Variants in ST3GAL2 observed in about 807,000 individuals in gnomAD.
The protein encoded by ST3GAL2 is ST3 beta-galactoside alpha-2,3-sialyltransferase 2.
A neutral mutation model predicts 37.5 loss-of-function variants in ST3GAL2; 16 were observed. The observed-to-expected ratio is 0.43, with a 90% CI of 0.29 to 0.65. The LOEUF (loss-of-function observed/expected upper bound fraction) is 0.65. Among genes scored for constraint, ST3GAL2 ranks in the 30% least tolerant of loss-of-function variants. The pLI is 0.17. For synonymous variants in ST3GAL2, 238 were observed against 202.9 expected, an observed-to-expected ratio of 1.17 and a Z score of -1.47; for missense variants, 383 against 487.8, an observed-to-expected ratio of 0.79 and a Z score of 2.02.
intron 1 of ST3GAL2, among the ~76,000 whole-genome samples, chr16:70,420,814 C>T (rs2151674840): frequency 6.6e-6 from 1 of 152,286 alleles, no homozygotes; most frequent in East Asian, 1.9e-4. Flanking sequence ...CATGCTTCTA[C>T]CAGAAGACTA....
chr16:70,393,092 T>C (rs2047492686), intron 3 of ST3GAL2, among the ~76,000 whole-genome samples: 1 of 150,984 alleles, frequency 6.6e-6, no homozygotes, highest in South Asian at 2.1e-4. Context: ...ATAAATTTTT[T>C]TTTTTTTTTT....
rs549339173 is a variant in ST3GAL2, at chr16:70,423,809, G to A, written c.-1004+15140C>T. 1.2e-4 allele frequency among the ~76,000 whole-genome samples: 18 copies of A among 151,300 alleles called. No individual in the cohort carries two copies. In the South Asian group the frequency reaches 2.7e-3, roughly 23 times the overall value. ...CTCCTGGCCGGGTGCAGTGGCTCAC[G>A]CTTGTAATCCCAGCACTTTAGGAGG... is the stretch of plus-strand genomic sequence containing the variant. On this transcript the variant is annotated intron_variant, in intron 1 of 6. Coordinates refer to ENST00000342907, the MANE Select transcript of ST3GAL2 (RefSeq NM_006927.4).
Position 70,379,562 on chromosome 16 carries a change from A to AAATT in ST3GAL2, c.*2123_*2126dup, listed in dbSNP as rs1296561872. ...GGGAAGGAAATAAAAAAGTGTGTTT[A>AAATT]AATTACTATTGCAGAAAATCTGGCT... On this transcript the variant is annotated 3_prime_UTR_variant, in exon 7 of 7. Coordinates refer to ENST00000342907, the MANE Select transcript of ST3GAL2 (RefSeq NM_006927.4). 3.9e-5 allele frequency: 6 copies of AAATT among 152,192 alleles called. No homozygotes were observed. The highest frequency in any genetic ancestry group is 1.4e-4 in the African/African-American group (6 of 41,444). 9.4% of individuals were successfully genotyped at this position (152,192 alleles called of 1,614,324 possible).
At position 70,376,874 on chromosome 16, in the gene ST3GAL2, TG is replaced by T. The variant is rs1201764571; in HGVS notation, c.*4814del. 1 of 151,948 alleles carries T rather than the reference TG, an allele frequency of 6.6e-6. No homozygotes were observed. Among genetic ancestry groups the T allele is most frequent in the Non-Finnish European group, 1.5e-5 (1 of 68,008 alleles). 9.4% of individuals were successfully genotyped at this position (151,948 alleles called of 1,614,324 possible). ...TCTCTGCCTCGGTCTCCCGAGTAGCTGGGATCACAGCCGTCTGCCACTAAGC... is the reference window on the plus strand; with the variant it reads ...TCTCTGCCTCGGTCTCCCGAGTAGCTGGATCACAGCCGTCTGCCACTAAGC... On this transcript the variant is annotated 3_prime_UTR_variant, in exon 7 of 7. Transcript: ENST00000342907.
intron 4 of ST3GAL2, among the ~76,000 whole-genome samples, chr16:70,385,841 G>C (rs1487784952): frequency 6.6e-6 from 1 of 150,768 alleles, no homozygotes; most frequent in Non-Finnish European, 1.5e-5. Context: ...TGAGTGGCTA[G>C]GACTACAGGA....
At chr16:70,435,297 A>G (rs2047817275) in intron 1 of ST3GAL2, among the ~76,000 whole-genome samples, 1 of 152,184 alleles carries the variant, frequency 6.6e-6, no homozygotes, top group South Asian at 2.1e-4. Context: ...GTCCCTCTTA[A>G]GACTTTACAT....
rs1007728829 is a variant in ST3GAL2 at position 70,398,988 on chromosome 16, C to T, written c.-458G>A. On this transcript the variant is annotated 5_prime_UTR_variant, in exon 2 of 7. Transcript: ENST00000342907. ...TGAGGCGGCCCCTCGTTCCCGGCAG[C>T]GGGGAAGCCCTAGAACTCCAATCAC... 9.6e-6 allele frequency: 4 copies of T among 415,720 alleles called. No individual in the cohort carries two copies. The highest frequency in any genetic ancestry group is 2.0e-5 in the African/African-American group (1 of 49,068). 25.8% of individuals were successfully genotyped at this position (415,720 alleles called of 1,614,324 possible). A position where few individuals can be genotyped will look rare whatever the true frequency, so the allele number is the denominator to read the frequency against.
intron 3 of ST3GAL2, among the ~76,000 whole-genome samples, chr16:70,388,912 A>AG (rs1227048387): frequency 6.6e-6 from 1 of 151,054 alleles, no homozygotes; most frequent in East Asian, 2.0e-4. Context: ...AAAAAAAAAA[A>AG]AACAAATATA....
At chr16:70,424,615 A>C (rs2047738403) in intron 1 of ST3GAL2, among the ~76,000 whole-genome samples, 1 of 152,026 alleles carries the variant, frequency 6.6e-6, no homozygotes, top group Non-Finnish European at 1.5e-5. Flanking sequence ...AAAATTAAAT[A>C]AATAAATAAA....
rs1222333087 is a variant in ST3GAL2, at chr16:70,380,006, T to C, written c.*1683A>G. The C allele has an allele frequency of 6.6e-6, 1 of 152,182 alleles. No individual in the cohort carries two copies. Among genetic ancestry groups the C allele is most frequent in the Non-Finnish European group, 1.5e-5 (1 of 68,060 alleles). 9.4% of individuals were successfully genotyped at this position (152,182 alleles called of 1,614,324 possible). A position where few individuals can be genotyped will look rare whatever the true frequency, so the allele number is the denominator to read the frequency against. ...TTCTGCTCAATACTGTTTGGCATAA[T>C]TGCATTGCTTTTCATCAACACTCAA... On this transcript the variant is annotated 3_prime_UTR_variant, in exon 7 of 7. Transcript: ENST00000342907.
chr16:70,435,334 G>A (rs1003203063), intron 1 of ST3GAL2, among the ~76,000 whole-genome samples: 5 of 152,156 alleles, frequency 3.3e-5, no homozygotes, highest in African/African-American at 4.8e-5. Context: ...AGTGGTTCAC[G>A]CCTGTAATCC....
At position 70,379,796 on chromosome 16, in the gene ST3GAL2, A is replaced by ATTTTTTTTTTTTTTTT. The variant is rs11438171; in HGVS notation, c.*1892_*1893insAAAAAAAAAAAAAAAA. On this transcript the variant is annotated 3_prime_UTR_variant, in exon 7 of 7. Transcript: ENST00000342907. ...ACCACTGCGCCTGGCTAATTTTTGT[A>ATTTTTTTTTTTTTTTT]TTTTTTTTTTTTTTTGGTAGAGACG... is the stretch of plus-strand genomic sequence containing the variant. 7.2e-6 allele frequency: 1 copy of ATTTTTTTTTTTTTTTT among 138,052 alleles called. No individual in the cohort carries two copies. Among genetic ancestry groups the ATTTTTTTTTTTTTTTT allele is most frequent in the African/African-American group, 2.7e-5 (1 of 36,454 alleles). 8.6% of individuals were successfully genotyped at this position (138,052 alleles called of 1,614,324 possible). A position where few individuals can be genotyped will look rare whatever the true frequency, so the allele number is the denominator to read the frequency against.
chr16:70,413,287 G>A (rs1416518650), intron 1 of ST3GAL2, among the ~76,000 whole-genome samples: 1 of 150,816 alleles, frequency 6.6e-6, no homozygotes, highest in Non-Finnish European at 1.5e-5. Context: ...ATGGTGGCAA[G>A]TGCCTACAGC....
intron 4 of ST3GAL2, among the ~76,000 whole-genome samples, chr16:70,384,705 CAAA>C (rs34907504): frequency 4.3e-5 from 3 of 69,104 alleles, no homozygotes; most frequent in Non-Finnish European, 2.6e-5. Context: ...AACTCTGTCT[CAAA>C]AAAAAAAAAA....
At chr16:70,427,482 G>GC (rs2047759692) in intron 1 of ST3GAL2, among the ~76,000 whole-genome samples, 1 of 151,860 alleles carries the variant, frequency 6.6e-6, no homozygotes, top group South Asian at 2.1e-4. Context: ...GGGACTACAG[G>GC]CCCCCGCCAC....
At chr16:70,415,533 T>C (rs549843618) in intron 1 of ST3GAL2, among the ~76,000 whole-genome samples, 80 of 152,032 alleles carry the variant, frequency 5.3e-4, no homozygotes, top group African/African-American at 1.9e-3. Context: ...TTTCTCTCTC[T>C]CTCCATCTCC....
At chr16:70,394,359 A>G (rs2151661684) in intron 3 of ST3GAL2, among the ~76,000 whole-genome samples, 1 of 152,252 alleles carries the variant, frequency 6.6e-6, no homozygotes, top group East Asian at 1.9e-4. Context: ...GGGGATGAGG[A>G]GGACAGGGCC....
chr16:70,426,321 G>C (rs1281467225), intron 1 of ST3GAL2, among the ~76,000 whole-genome samples: 1 of 150,358 alleles, frequency 6.7e-6, no homozygotes, highest in Non-Finnish European at 1.5e-5. Context: ...AGCCTCCCGA[G>C]TAGCTGGGAC....
chr16:70,407,782 G>A (rs2047602705), intron 1 of ST3GAL2, among the ~76,000 whole-genome samples: 1 of 152,202 alleles, frequency 6.6e-6, no homozygotes, highest in Non-Finnish European at 1.5e-5. Flanking sequence ...TGTTTTGGAG[G>A]CTGTAGCAGC....
Sources: allele counts gnomAD v4.1 joint callset (sites outside exome capture counted in the v4.1 genomes callset), GRCh38; gene constraint gnomAD v4.1.1; transcripts MANE v1.5; gene names NCBI Gene and HGNC (gene_info 2026-07-23, HGNC 2026-07-21).